CD93: variants seen among roughly 807,000 people sequenced by gnomAD.
CD93 encodes complement component C1q receptor.
A neutral mutation model predicts 45.5 loss-of-function variants in CD93; 44 were observed. The ratio of observed to expected loss-of-function variants is 0.97; its 90% confidence interval spans 0.76 to 1.24. The LOEUF is 1.24. Ranked by LOEUF, CD93 falls within the 50% of genes most tolerant of loss-of-function variation. The pLI is 0.00. For synonymous variants in CD93, 431 were observed against 370.8 expected (o/e 1.16, Z -1.87); for missense variants, 918 against 844.5 (o/e 1.09, Z -1.08).
chr20:23,085,909 A>G lies in CD93; in HGVS notation c.284T>C (p.Ile95Thr). The G allele has an allele frequency of 2.7e-6, 4 of 1,498,420 alleles. No individual in the cohort carries two copies. Among genetic ancestry groups the G allele is most frequent in the Non-Finnish European group, 3.6e-6 (4 of 1,111,014 alleles). 92.8% of individuals were successfully genotyped at this position (1,498,420 alleles called of 1,614,324 possible). ...CTTGCCCTTCTCTCGCTGGAGCCCA[A>G]TCCAGAACTTGCTCATCCTCGCCGT... The part of the protein sequence containing the change: ...ALTARMSKFW[I>T]GLQREKGKCL... Residue 95 changes from isoleucine to threonine, a missense_variant, in exon 1 of 2, where the codon ATT becomes ACT. Ile to Thr is a moderately conservative substitution (Grantham distance 89). Coordinates refer to ENST00000246006, the MANE Select transcript of CD93 (RefSeq NM_012072.4).
intron 1 of CD93, 69 bp from the exon 2 acceptor site, chr20:23,084,043 A>C: frequency 6.3e-7 from 1 of 1,584,348 alleles, no homozygotes; most frequent in Non-Finnish European, 8.7e-7. Flanking sequence ...CCACCTTGGG[A>C]GAGAGCCCCA....
At position 23,082,375 on chromosome 20, in the gene CD93, G is replaced by C. The variant is rs1475016910; in HGVS notation, c.*1575C>G. On this transcript the variant is annotated 3_prime_UTR_variant, in exon 2 of 2. Transcript: ENST00000246006. ...CTCTGAGGCTTTGGGGCCTTGGAGG[G>C]AGACACATTTCCTCTGTCTGTTCTC... 2 of 152,192 alleles carry C rather than the reference G, an allele frequency of 1.3e-5. No individual in the cohort carries two copies. The highest frequency in any genetic ancestry group is 4.8e-5 in the African/African-American group (2 of 41,422). The allele number at this position is 152,192 out of a possible 1,614,324, so 9.4% of individuals were successfully genotyped here. A position where few individuals can be genotyped will look rare whatever the true frequency, so the allele number is the denominator to read the frequency against.
At position 23,084,897 on chromosome 20, in the gene CD93, C is replaced by G. The variant is rs765187836; in HGVS notation, c.1296G>C (p.Val432=). 6.2e-7 allele frequency: 1 copy of G among 1,613,226 alleles called. No individual in the cohort carries two copies. Among genetic ancestry groups the G allele is most frequent in the Non-Finnish European group, 8.5e-7 (1 of 1,179,892 alleles). ...GTQCQDVDEC[V]GPGGPLCDSL... ...TGTCGCAGAGGGGGCCCCCCGGGCC[C>G]ACACACTCATCCACGTCCTGGCACT... The change falls in exon 1 of 2, where the codon GTG becomes GTC. Residue 432 remains valine, a synonymous_variant. Transcript: ENST00000246006.
In CD93 at chr20:23,084,704, C is replaced by T. The variant is rs768260615; in HGVS notation, c.1489G>A (p.Ala497Thr). Residue 497 changes from alanine to threonine, a missense_variant, in exon 1 of 2, where the codon GCT (alanine) becomes ACT (threonine). By Grantham distance (58) the Ala-to-Thr change is moderately conservative. Transcript: ENST00000246006. Reference sequence around the variant, plus strand: ...CCCCTTGTGGGACTGGCTGTTGCAGCACGGGGCACGGTGCTCCCTTCTTTC... The same window carrying T: ...CCCCTTGTGGGACTGGCTGTTGCAGTACGGGGCACGGTGCTCCCTTCTTTC... ...GEKEGSTVPR[A>T]ATASPTRGPE... The T allele has an allele frequency of 8.2e-6, 13 of 1,587,948 alleles. No homozygotes were observed. Among genetic ancestry groups the T allele is most frequent in the Admixed American group, 5.3e-5 (3 of 56,368 alleles).
Position 23,082,721 on chromosome 20 carries a change from C to T in CD93, c.*1229G>A, listed in dbSNP as rs1234744722. On this transcript the variant is annotated 3_prime_UTR_variant, in exon 2 of 2. Transcript: ENST00000246006. ...ATGATTTTAGTTAGTCATCTCTTTC[C>T]CTCTTCCTTCCCTCCTTACCCCCAA... 2 of 152,148 alleles carry T rather than the reference C, an allele frequency of 1.3e-5. No individual in the cohort carries two copies. Among genetic ancestry groups the T allele is most frequent in the African/African-American group, 2.4e-5 (1 of 41,410 alleles). 9.4% of individuals were successfully genotyped at this position (152,148 alleles called of 1,614,324 possible).
In CD93 at chr20:23,084,581, T is replaced by TG. The variant is rs1985419121; in HGVS notation, c.1611dup (p.Ser538GlnfsTer40). On this transcript the variant is annotated frameshift_variant, in exon 1 of 2. Coordinates refer to ENST00000246006, the MANE Select transcript of CD93 (RefSeq NM_012072.4). LOFTEE classifies it high-confidence loss of function. ...TCCCTCCAGACGCCTGGGGACCCAC[T>TG]GGGGGCCAGCATCTTGAGTGGGGCA... The TG allele has an allele frequency of 6.2e-7, 1 of 1,613,234 alleles. No individual in the cohort carries two copies. Among genetic ancestry groups the TG allele is most frequent in the African/African-American group, 1.3e-5 (1 of 74,858 alleles).
chr20:23,085,097 G>C lies in CD93; in HGVS notation c.1096C>G (p.Arg366Gly). ...QECVNTPGGFRCECWVGYEPG... is the reference protein window; with the variant it reads ...QECVNTPGGFGCECWVGYEPG... ...TCATAGCCAACCCAGCATTCGCAGC[G>C]GAAGCCCCCAGGGGTGTTGACACAC... Residue 366 changes from arginine to glycine, a missense_variant, in exon 1 of 2, where the codon CGC becomes GGC. Transcript: ENST00000246006. 1.2e-6 allele frequency: 2 copies of C among 1,606,262 alleles called. No homozygotes were observed. Among genetic ancestry groups the C allele is most frequent in the Non-Finnish European group, 1.7e-6 (2 of 1,175,740 alleles).
chr20:23,084,382 A>T lies in CD93; in HGVS notation c.1811T>A (p.Leu604Gln), dbSNP rs1024852088. ...CTTCGCTCTCCGCTTGCGATAGACC[A>T]GTAGCCCCAGAGCCAGGGCCAGCAG... Reference protein sequence around the residue: ...LLLLALALGLLVYRKRRAKRE... With the variant: ...LLLLALALGLQVYRKRRAKRE... Residue 604 changes from leucine to glutamine, a missense_variant, in exon 1 of 2, where the codon CTG (leucine) becomes CAG (glutamine). By Grantham distance (113) the Leu-to-Gln change is moderately radical (BLOSUM62 -2). Transcript: ENST00000246006. 8.7e-6 allele frequency: 14 copies of T among 1,614,250 alleles called. No homozygotes were observed. The highest frequency in any genetic ancestry group is 1.2e-5 in the Non-Finnish European group (14 of 1,180,046).
chr20:23,083,852 A>T lies in CD93; in HGVS notation c.*98T>A, dbSNP rs1026213626. ...CAATTGTTTGCTAAGATTCCAGTCC[A>T]GTCTTTCAAAAAAATGTGGGTGCCC... is the stretch of plus-strand genomic sequence containing the variant. On this transcript the variant is annotated 3_prime_UTR_variant, in exon 2 of 2. Transcript: ENST00000246006. 63 of 1,082,750 alleles carry T rather than the reference A, an allele frequency of 5.8e-5. No homozygotes were observed. The highest frequency in any genetic ancestry group is 8.2e-5 in the Non-Finnish European group (57 of 694,842). 67.1% of individuals were successfully genotyped at this position (1,082,750 alleles called of 1,614,324 possible).
Position 23,083,623 on chromosome 20 carries a change from A to G in CD93, c.*327T>C, listed in dbSNP as rs892344893. On this transcript the variant is annotated 3_prime_UTR_variant, in exon 2 of 2. Transcript: ENST00000246006. ...GTGGAAGTGAGCAGAGAAGATATTCAGGGGAGCCCCTTAGCCCCGGCCTCC... is the reference window on the plus strand; with the variant it reads ...GTGGAAGTGAGCAGAGAAGATATTCGGGGGAGCCCCTTAGCCCCGGCCTCC... 2.0e-5 allele frequency: 8 copies of G among 406,206 alleles called. No homozygotes were observed. The highest frequency in any genetic ancestry group is 4.0e-5 in the African/African-American group (2 of 50,036). 25.2% of individuals were successfully genotyped at this position (406,206 alleles called of 1,614,324 possible).
At position 23,085,073 on chromosome 20, in the gene CD93, C is replaced by G. The variant is rs963955678; in HGVS notation, c.1120G>C (p.Glu374Gln). 4.3e-6 allele frequency: 7 copies of G among 1,612,126 alleles called. No homozygotes were observed. In the African/African-American group the frequency reaches 8.0e-5, roughly 18 times the overall value. The change falls in exon 1 of 2, where the codon GAG becomes CAG. Residue 374 changes from glutamate to glutamine, a missense_variant. Glu to Gln is a conservative substitution (Grantham distance 29, BLOSUM62 2). Coordinates refer to ENST00000246006, the MANE Select transcript of CD93 (RefSeq NM_012072.4). The part of the protein sequence containing the change: ...GFRCECWVGY[E>Q]PGGPGEGACQ... The stretch of plus-strand genomic sequence containing the variant: ...GCCCCCTCTCCAGGACCGCCCGGCT[C>G]ATAGCCAACCCAGCATTCGCAGCGG...
chr20:23,085,501 T>C lies in CD93; in HGVS notation c.692A>G (p.Asp231Gly), dbSNP rs1379642983. The change falls in exon 1 of 2, where the codon GAC (aspartate) becomes GGC (glycine). Residue 231 changes from aspartate (D) to glycine (G), a missense_variant. Physicochemically the swap from Asp to Gly is moderately conservative, Grantham distance 94. Coordinates refer to ENST00000246006, the MANE Select transcript of CD93 (RefSeq NM_012072.4). Reference protein sequence around the residue: ...ANVACGEGDKDETQSHYFLCK... With the variant: ...ANVACGEGDKGETQSHYFLCK... ...CAGGAAATAATGACTCTGAGTCTCG[T>C]CCTTGTCACCTTCCCCACAGGCTAC... 1 of 1,613,718 alleles carries C rather than the reference T, an allele frequency of 6.2e-7. No homozygotes were observed. The highest frequency in any genetic ancestry group is 1.3e-5 in the African/African-American group (1 of 74,916).
Position 23,084,780 on chromosome 20 carries a change from A to G in CD93, c.1413T>C (p.Pro471=). 6.2e-7 allele frequency: 1 copy of G among 1,612,788 alleles called. No individual in the cohort carries two copies. The highest frequency in any genetic ancestry group is 8.5e-7 in the Non-Finnish European group (1 of 1,179,824). ...GCCCAGATGGTGGTCCCAGAGACAC[A>G]GGCCCCATGGTGCAAGAGACCCCAT... ...APNGVSCTMG[P]VSLGPPSGPP... The change falls in exon 1 of 2, where the codon CCT becomes CCC. Residue 471 remains proline (P), a synonymous_variant. Coordinates refer to ENST00000246006, the MANE Select transcript of CD93 (RefSeq NM_012072.4).
rs1435635709 is a variant in CD93 at position 23,085,949 on chromosome 20, G to A, written c.244C>T (p.Arg82Trp). Residue 82 changes from arginine to tryptophan, a missense_variant, in exon 1 of 2, where the codon CGG becomes TGG. Coordinates refer to ENST00000246006, the MANE Select transcript of CD93 (RefSeq NM_012072.4). ...ATCCTCGCCGTCAGGGCTGCCTCCCGCCTCAGGAGCTGGGCCAGTACTCGC... is the reference window on the plus strand; with the variant it reads ...ATCCTCGCCGTCAGGGCTGCCTCCCACCTCAGGAGCTGGGCCAGTACTCGC... ...VQRVLAQLLR[R>W]EAALTARMSK... The A allele has an allele frequency of 6.2e-7, 1 of 1,605,366 alleles. No homozygotes were observed. Among genetic ancestry groups the A allele is most frequent in the Non-Finnish European group, 8.5e-7 (1 of 1,177,904 alleles).
Position 23,082,938 on chromosome 20 carries a change from ACATCCTTTAG to A in CD93, c.*1002_*1011del, listed in dbSNP as rs1486455085. The A allele has an allele frequency of 2.6e-5, 4 of 152,444 alleles. No individual in the cohort carries two copies. The highest frequency in any genetic ancestry group is 9.7e-5 in the African/African-American group (4 of 41,274). 9.4% of individuals were successfully genotyped at this position (152,444 alleles called of 1,614,324 possible). ...ACACAGTGCATCATCTCCCGTTCAC[ACATCCTTTAG>A]GAAACAGCCTGATGGAACTTTCTGC... On this transcript the variant is annotated 3_prime_UTR_variant, in exon 2 of 2. Transcript: ENST00000246006.
Position 23,083,977 on chromosome 20 carries a change from A to G in CD93, c.1935-3T>C. The stretch of plus-strand genomic sequence containing the variant: ...AGCAGTCTGTCCCAGGTGTCGGACT[A>G]TGGGAAACAAAACAGACAGCGTTGG... On this transcript the variant is annotated splice_polypyrimidine_tract_variant and splice_region_variant and intron_variant, in intron 1 of 1. Transcript: ENST00000246006. 6.2e-7 allele frequency: 1 copy of G among 1,614,106 alleles called. No individual in the cohort carries two copies. Among genetic ancestry groups the G allele is most frequent in the Non-Finnish European group, 8.5e-7 (1 of 1,179,988 alleles).
At position 23,084,972 on chromosome 20, in the gene CD93, A is replaced by C; in HGVS notation, c.1221T>G (p.Phe407Leu). The C allele has an allele frequency of 6.2e-7, 1 of 1,613,826 alleles. No homozygotes were observed. Among genetic ancestry groups the C allele is most frequent in the Non-Finnish European group, 8.5e-7 (1 of 1,179,998 alleles). The change falls in exon 1 of 2, where the codon TTT (phenylalanine) becomes TTG (leucine). Residue 407 changes from phenylalanine to leucine, a missense_variant. Physicochemically the swap from Phe to Leu is conservative, Grantham distance 22. Transcript: ENST00000246006. ...CGTAGCCCTCCTCACAGGAGCAGTG[A>C]AATGAGCCATCTGTGTTGGTGCAGC... Reference protein sequence around the residue: ...AQGCTNTDGSFHCSCEEGYVL... With the variant: ...AQGCTNTDGSLHCSCEEGYVL...
In CD93 at chr20:23,086,231, C is replaced by T. The variant is rs1394101169; in HGVS notation, c.-39G>A. On this transcript the variant is annotated 5_prime_UTR_variant, in exon 1 of 2. Coordinates refer to ENST00000246006, the MANE Select transcript of CD93 (RefSeq NM_012072.4). Reference sequence around the variant, plus strand: ...TGGCCCTCTGCGGGAGGCGAGAAGCCCAGCGGCGACAGGAGCTTCTATCTC... The same window carrying T: ...TGGCCCTCTGCGGGAGGCGAGAAGCTCAGCGGCGACAGGAGCTTCTATCTC... 6.8e-7 allele frequency: 1 copy of T among 1,469,194 alleles called. No homozygotes were observed. The highest frequency in any genetic ancestry group is 9.0e-7 in the Non-Finnish European group (1 of 1,113,036). 91.0% of individuals were successfully genotyped at this position (1,469,194 alleles called of 1,614,324 possible).
At position 23,084,462 on chromosome 20, in the gene CD93, G is replaced by C. The variant is rs750953262; in HGVS notation, c.1731C>G (p.Asp577Glu). The C allele has an allele frequency of 3.8e-5, 61 of 1,614,076 alleles. No individual in the cohort carries two copies. Among genetic ancestry groups the C allele is most frequent in the Middle Eastern group, 1.6e-4 (1 of 6,084 alleles). Residue 577 changes from aspartate (D) to glutamate (E), a missense_variant, in exon 1 of 2, where the codon GAC (aspartate) becomes GAG (glutamate). Physicochemically the swap from Asp to Glu is conservative, Grantham distance 45. Coordinates refer to ENST00000246006, the MANE Select transcript of CD93 (RefSeq NM_012072.4). The stretch of plus-strand genomic sequence containing the variant: ...TGTAGAATAAAAGCAGCTTTTGCCC[G>C]TCAGTGCCATCGTTGTTTTGTGTGG... ...SVATQNNDGT[D>E]GQKLLLFYIL...
Sources: allele counts gnomAD v4.1 joint callset, GRCh38; gene constraint gnomAD v4.1.1; transcripts MANE v1.5; gene names NCBI Gene and HGNC (gene_info 2026-07-23, HGNC 2026-07-21).